MEP1A: variants seen among roughly 807,000 people sequenced by gnomAD.
MEP1A encodes N-benzoyl-L-tyrosyl-P-amino-benzoic acid hydrolase subunit alpha.
Under a neutral mutation model 84.5 loss-of-function variants are expected in MEP1A, and 68 were observed. That is an observed-to-expected ratio of 0.80 (90% CI 0.66 to 0.98). MEP1A has a LOEUF of 0.98. Among genes scored for constraint, MEP1A ranks in the 50% least tolerant of loss-of-function variants. The pLI, the probability that MEP1A is intolerant of heterozygous loss-of-function variation, is 0.00. For synonymous variants in MEP1A, 337 were observed against 336.8 expected, an observed-to-expected ratio of 1.00 and a Z score of -0.01; for missense variants, 887 against 919.9, an observed-to-expected ratio of 0.96 and a Z score of 0.46.
chr6:46,838,630 C>T (rs1768270591), intron 13 of MEP1A, among the ~76,000 whole-genome samples: 1 of 152,200 alleles, frequency 6.6e-6, no homozygotes, highest in South Asian at 2.1e-4. Flanking sequence ...TTAAGTGTCT[C>T]AGGCCTTCCT....
At chr6:46,809,324 A>G in intron 5 of MEP1A, 96 bp from the exon 6 acceptor site, 1 of 770,938 alleles carries the variant, frequency 1.3e-6, no homozygotes, top group Middle Eastern at 2.5e-4. Context: ...ACCTCTGTGG[A>G]TTTAATGTGG....
chr6:46,799,196 TC>T lies in MEP1A; in HGVS notation c.262+16del, dbSNP rs1312222183. The T allele has an allele frequency of 5.1e-6, 8 of 1,556,652 alleles. No individual in the cohort carries two copies. Among genetic ancestry groups the T allele is most frequent in the Non-Finnish European group, 6.2e-6 (7 of 1,127,720 alleles). On this transcript the variant is annotated intron_variant, in intron 5 of 13. Coordinates refer to ENST00000230588, the MANE Select transcript of MEP1A (RefSeq NM_005588.3). ...TGATAATTTGGGTAATATTAATTGT[TC>T]TTAATTAGGAAGTTTCAGTTTAACT...
rs1248097094 is a variant in MEP1A at position 46,819,704 on chromosome 6, G to A, written c.556G>A (p.Gly186Ser). The A allele has an allele frequency of 1.9e-6, 3 of 1,613,040 alleles. No individual in the cohort carries two copies. The highest frequency in any genetic ancestry group is 2.5e-6 in the Non-Finnish European group (3 of 1,179,422). The change falls in exon 7 of 14, where the codon GGT becomes AGT. Residue 186 changes from glycine (G) to serine (S), a missense_variant and splice_region_variant. By Grantham distance (56) the Gly-to-Ser change is moderately conservative. Coordinates refer to ENST00000230588, the MANE Select transcript of MEP1A (RefSeq NM_005588.3). The part of the protein sequence containing the change: ...VNIWWDQILS[G>S]YQHNFDTYDD... ...CATCTGGTGGGACCAAATTCTTTCA[G>A]GTGTGATTGGGCGGAGATTGCTATC...
At chr6:46,807,557 A>G (rs1438284223) in intron 5 of MEP1A, among the ~76,000 whole-genome samples, 2 of 66,070 alleles carry the variant, frequency 3.0e-5, no homozygotes. Flanking sequence ...AGAAAGAAAG[A>G]AAGAAAGAAA....
At chr6:46,810,231 G>A (rs995420358) in intron 6 of MEP1A, among the ~76,000 whole-genome samples, 2 of 151,952 alleles carry the variant, frequency 1.3e-5, no homozygotes, top group Non-Finnish European at 2.9e-5. Flanking sequence ...TGTTGAACAT[G>A]TTTTCATATG....
At chr6:46,811,932 C>G (rs1246870928) in intron 6 of MEP1A, among the ~76,000 whole-genome samples, 1 of 152,018 alleles carries the variant, frequency 6.6e-6, no homozygotes, top group South Asian at 2.1e-4. Flanking sequence ...CTGTAGTTTT[C>G]TTTGTTTGTT....
At chr6:46,811,104 G>A (rs1440015394) in intron 6 of MEP1A, among the ~76,000 whole-genome samples, 1 of 152,118 alleles carries the variant, frequency 6.6e-6, no homozygotes, top group Non-Finnish European at 1.5e-5. Context: ...CCATGAGCAA[G>A]GGATAGCTTT....
At chr6:46,836,075 A>G (rs999092690) in intron 13 of MEP1A, among the ~76,000 whole-genome samples, 3 of 152,188 alleles carry the variant, frequency 2.0e-5, no homozygotes, top group Non-Finnish European at 4.4e-5. Context: ...TACACGCATG[A>G]TCTAAATTCA....
intron 9 of MEP1A, among the ~76,000 whole-genome samples, chr6:46,828,542 G>A (rs184743724): frequency 6.6e-6 from 1 of 152,284 alleles, no homozygotes; most frequent in East Asian, 1.9e-4. Flanking sequence ...TTTGATGGAA[G>A]CATTTTGATA....
chr6:46,829,609 A>G lies in MEP1A; in HGVS notation c.1144+38A>G, dbSNP rs568704542. The G allele has an allele frequency of 8.3e-5, 121 of 1,453,062 alleles. 1 individual carries two copies. The South Asian group carries it at 1.3e-3, about 16-fold the overall frequency. The allele number at this position is 1,453,062 out of a possible 1,614,324, so 90.0% of individuals were successfully genotyped here. On this transcript the variant is annotated intron_variant, in intron 10 of 13. Transcript: ENST00000230588. The stretch of plus-strand genomic sequence containing the variant: ...ATTCACACGAGGAATGGATTGGGTT[A>G]AAATCCGGGATCCTGCTTCTTCTCC...
Position 46,815,791 on chromosome 6 carries a change from G to A in MEP1A, c.381-3738G>A, listed in dbSNP as rs545098548. Among the ~76,000 whole-genome samples the A allele has an allele frequency of 5.9e-4, 90 of 152,158 alleles. 2 individuals are homozygous for A. The South Asian group carries it at 0.01, about 17-fold the overall frequency. On this transcript the variant is annotated intron_variant, in intron 6 of 13. Coordinates refer to ENST00000230588, the MANE Select transcript of MEP1A (RefSeq NM_005588.3). ...GATGGATGGATAGTATGATGAAAAT[G>A]GTAGTTAGCACATGATTTAGCCTCT...
Position 46,831,269 on chromosome 6 carries a change from A to G in MEP1A, c.1144+1698A>G, listed in dbSNP as rs376608331. On this transcript the variant is annotated intron_variant, in intron 10 of 13. Transcript: ENST00000230588. ...ATAGCTTTTAAGTTTTGCAAAATGT[A>G]TATTTTGACCAAAACACTTACACAC... Among the ~76,000 whole-genome samples the G allele has an allele frequency of 3.9e-5, 6 of 152,234 alleles. No homozygotes were observed. In the East Asian group the frequency reaches 7.7e-4, roughly 20 times the overall value.
chr6:46,795,912 T>G (rs1767041069), intron 3 of MEP1A, among the ~76,000 whole-genome samples: 1 of 152,170 alleles, frequency 6.6e-6, no homozygotes, highest in Admixed American at 6.5e-5. Context: ...AGCTTTCTCT[T>G]AGAAATGCAG....
At chr6:46,810,139 A>AT (rs1581671344) in intron 6 of MEP1A, among the ~76,000 whole-genome samples, 2 of 151,954 alleles carry the variant, frequency 1.3e-5, no homozygotes, top group East Asian at 3.9e-4. Flanking sequence ...ATTTTTAAAA[A>AT]TTTTTTAATT....
intron 5 of MEP1A, among the ~76,000 whole-genome samples, chr6:46,804,795 T>C (rs1387454390): frequency 6.6e-6 from 1 of 151,798 alleles, no homozygotes; most frequent in African/African-American, 2.4e-5. Flanking sequence ...GGAACACTGT[T>C]ATCCTTCCAG....
At chr6:46,818,793 AT>A (rs1242523418) in intron 6 of MEP1A, among the ~76,000 whole-genome samples, 2 of 152,196 alleles carry the variant, frequency 1.3e-5, no homozygotes, top group African/African-American at 4.8e-5. Flanking sequence ...TGATCATAAA[AT>A]ATATGCTTGT....
At chr6:46,821,114 GA>G (rs1767764063) in intron 7 of MEP1A, among the ~76,000 whole-genome samples, 1 of 152,128 alleles carries the variant, frequency 6.6e-6, no homozygotes, top group African/African-American at 2.4e-5. Flanking sequence ...GTTCATTTTG[GA>G]GTAAGATGGT....
chr6:46,809,407 C>A lies in MEP1A; in HGVS notation c.263-13C>A. On this transcript the variant is annotated splice_polypyrimidine_tract_variant and intron_variant, in intron 5 of 13. Coordinates refer to ENST00000230588, the MANE Select transcript of MEP1A (RefSeq NM_005588.3). ...CAAATAATGCTCATTGATATTTTTA[C>A]TGATTTCTGCAGGGCTGAATGCTAA... is the stretch of plus-strand genomic sequence containing the variant. 6.5e-7 allele frequency: 1 copy of A among 1,526,984 alleles called. No individual in the cohort carries two copies. Among genetic ancestry groups the A allele is most frequent in the Non-Finnish European group, 9.0e-7 (1 of 1,110,980 alleles). The allele number at this position is 1,526,984 out of a possible 1,614,324, so 94.6% of individuals were successfully genotyped here.
chr6:46,843,927 A>G (rs956409780), downstream of MEP1A, among the ~76,000 whole-genome samples: 18 of 152,224 alleles, frequency 1.2e-4, no homozygotes, highest in Non-Finnish European at 2.5e-4. Context: ...TTGTTTGACT[A>G]CAGAAAACCT....
Sources: gnomAD v4.1 joint callset for allele counts (sites outside exome capture counted in the v4.1 genomes callset) on GRCh38, gnomAD v4.1.1 for gene constraint, MANE v1.5 for transcripts, NCBI Gene and HGNC (gene_info 2026-07-23, HGNC 2026-07-21) for gene names.